The following VPS8 variants were observed in gnomAD, a reference collection of about 807,000 sequenced individuals.
The protein encoded by VPS8 is VPS8 subunit of CORVET complex.
In VPS8, 129 loss-of-function variants were observed where a neutral mutation model predicts 216.4. That is an observed-to-expected ratio of 0.60 (90% CI 0.52 to 0.69). VPS8 has a LOEUF of 0.69. VPS8 is among the 30% of genes least tolerant of loss of function. VPS8 has a pLI of 0.00. For synonymous variants in VPS8, 571 were observed against 565.4 expected (o/e 1.01, Z -0.14); for missense variants, 1,531 against 1,683.5 (o/e 0.91, Z 1.59).
At chr3:184,899,206 G>C (rs1222011171) in intron 24 of VPS8, among the ~76,000 whole-genome samples, 1 of 152,086 alleles carries the variant, frequency 6.6e-6, no homozygotes. Flanking sequence ...ACTTTTAGAA[G>C]AACCAAACCC....
At chr3:184,864,389 G>A (rs1726952134) in intron 16 of VPS8, among the ~76,000 whole-genome samples, 1 of 152,202 alleles carries the variant, frequency 6.6e-6, no homozygotes, top group Non-Finnish European at 1.5e-5. Flanking sequence ...ATTGGGTTGA[G>A]TTTGCAAGAG....
At chr3:184,863,777 C>T (rs566868778) in intron 16 of VPS8, among the ~76,000 whole-genome samples, 23 of 152,088 alleles carry the variant, frequency 1.5e-4, no homozygotes, top group South Asian at 6.2e-4. Context: ...GTGCGAACTT[C>T]CTTGGATAAT....
At chr3:185,024,234 T>C in intron 45 of VPS8, 102 bp from the exon 46 acceptor site, 1 of 1,061,838 alleles carries the variant, frequency 9.4e-7, no homozygotes, top group Non-Finnish European at 1.4e-6. Context: ...ATGTCTGTTT[T>C]ATCTTAGTTA....
intron 21 of VPS8, among the ~76,000 whole-genome samples, chr3:184,875,000 T>G (rs1266710783): frequency 6.6e-6 from 1 of 152,082 alleles, no homozygotes; most frequent in African/African-American, 2.4e-5. Context: ...CATCTCTTAT[T>G]ATGGAATGTA....
chr3:184,873,824 A>C (rs1728772259), intron 21 of VPS8, among the ~76,000 whole-genome samples: 1 of 152,208 alleles, frequency 6.6e-6, no homozygotes, highest in South Asian at 2.1e-4. Flanking sequence ...CTGTTGAAAC[A>C]ATCTGGGCCA....
rs1381231527 is a variant in VPS8 at position 184,826,226 on chromosome 3, A to C, written c.217A>C (p.Asn73His). ...DTPPTLESIL[N>H]ETDDEDESFI... is the part of the protein sequence containing the mutation. ...TCCTCCAACACTGGAAAGCATACTA[A>C]ATGAGGTAAGTGAATATTAATGATT... Residue 73 changes from asparagine to histidine, a missense_variant, in exon 3 of 48, where the codon AAT becomes CAT. Asn to His is a moderately conservative substitution (Grantham distance 68). This residue lies in a region of VPS8 where 199 missense variants were observed against 182.2 expected (regional missense o/e 1.09). Transcript: ENST00000625842. The C allele has an allele frequency of 3.1e-6, 5 of 1,608,426 alleles. No homozygotes were observed. The highest frequency in any genetic ancestry group is 4.3e-6 in the Non-Finnish European group (5 of 1,176,378).
At chr3:184,913,586 T>C (rs781531517) in intron 26 of VPS8, 25 bp downstream of exon 26, 1 of 1,524,398 alleles carries the variant, frequency 6.6e-7, no homozygotes, top group Non-Finnish European at 8.9e-7. Context: ...TTTATTCATC[T>C]GCATGTATGT....
chr3:185,023,239 A>G (rs1290550815), intron 45 of VPS8, among the ~76,000 whole-genome samples: 1 of 150,954 alleles, frequency 6.6e-6, no homozygotes, highest in African/African-American at 2.5e-5. Flanking sequence ...ACTTTTTTTT[A>G]TCTGACTTCT....
At chr3:184,987,632 AT>A (rs1452907753) in intron 42 of VPS8, among the ~76,000 whole-genome samples, 1 of 152,192 alleles carries the variant, frequency 6.6e-6, no homozygotes, top group Non-Finnish European at 1.5e-5. Flanking sequence ...CCACATACCT[AT>A]CAAAGAACAT....
chr3:185,004,508 C>G (rs545020845), intron 45 of VPS8, among the ~76,000 whole-genome samples: 1 of 138,914 alleles, frequency 7.2e-6, no homozygotes, highest in Non-Finnish European at 1.6e-5. Context: ...AGAGGGAGAC[C>G]GCGGGGAGAG....
chr3:184,955,512 A>C (rs1388579273), intron 36 of VPS8, among the ~76,000 whole-genome samples: 1 of 151,830 alleles, frequency 6.6e-6, no homozygotes, highest in African/African-American at 2.4e-5. Context: ...TCTTGTATGC[A>C]ATAAATATCA....
chr3:184,852,895 T>A (rs1443603571), intron 11 of VPS8, among the ~76,000 whole-genome samples: 1 of 152,182 alleles, frequency 6.6e-6, no homozygotes, highest in Admixed American at 6.5e-5. Flanking sequence ...TTAATCATAA[T>A]GGGCAGGTGT....
chr3:184,948,002 T>TA (rs1424316545), intron 36 of VPS8, among the ~76,000 whole-genome samples: 1 of 152,068 alleles, frequency 6.6e-6, no homozygotes, highest in Non-Finnish European at 1.5e-5. Flanking sequence ...GTCCAGGTAA[T>TA]AAAAAAACTC....
intron 30 of VPS8, among the ~76,000 whole-genome samples, chr3:184,925,343 A>C (rs1288972710): frequency 1.3e-5 from 2 of 152,190 alleles, no homozygotes; most frequent in East Asian, 3.8e-4. Flanking sequence ...CTTACAAATG[A>C]CTTTCAAGGT....
At chr3:184,950,243 T>TTTTTTTTTTTTTC (rs1166683070) in intron 36 of VPS8, among the ~76,000 whole-genome samples, 1 of 143,444 alleles carries the variant, frequency 7.0e-6, no homozygotes, top group Admixed American at 7.2e-5. Context: ...TTTTTTTTTT[T>TTTTTTTTTTTTTC]TACTCTAGCT....
At chr3:184,813,650 T>C (rs1222730755) in intron 1 of VPS8, 3 of 152,222 alleles carry the variant, frequency 2.0e-5, no homozygotes, top group African/African-American at 4.8e-5. Context: ...TTTCCAGAGC[T>C]CTAACAGAGT....
chr3:185,034,997 G>A (rs1258954273), intron 46 of VPS8, among the ~76,000 whole-genome samples: 1 of 152,074 alleles, frequency 6.6e-6, no homozygotes, highest in Non-Finnish European at 1.5e-5. Context: ...AAATTCTAGA[G>A]GAAATGGATA....
chr3:184,893,397 T>C, intron 22 of VPS8: 2 of 1,100,708 alleles, frequency 1.8e-6, no homozygotes, highest in Non-Finnish European at 2.3e-6. Context: ...TAGGAAAAAG[T>C]AAATAATCTC....
At chr3:184,936,210 C>T in intron 34 of VPS8, 36 bp from the exon 35 acceptor site, 1 of 1,549,576 alleles carries the variant, frequency 6.5e-7, no homozygotes, top group South Asian at 1.2e-5. Flanking sequence ...TTAAATGAGC[C>T]ATTAGAGATG....
Sources: gnomAD v4.1 joint callset for allele counts (sites outside exome capture counted in the v4.1 genomes callset) on GRCh38, gnomAD v4.1.1 for gene constraint, gnomAD v4.1.1 regional missense constraint, MANE v1.5 for transcripts, NCBI Gene and HGNC (gene_info 2026-07-23, HGNC 2026-07-21) for gene names.